PRH1: variants seen among roughly 807,000 people sequenced by gnomAD.
The protein encoded by PRH1 is salivary acidic proline-rich phosphoprotein 1/2.
PRH1 carries 7 observed loss-of-function variants against 7.9 expected under a neutral mutation model. That is an observed-to-expected ratio of 0.89 (90% CI 0.50 to 1.67). The LOEUF (loss-of-function observed/expected upper bound fraction) is 1.67, where lower values mean the gene tolerates loss of function less well. Among genes scored for constraint, PRH1 ranks in the 40% most tolerant of loss-of-function variants. The pLI, the probability that PRH1 is intolerant of heterozygous loss-of-function variation, is 0.00. For synonymous variants in PRH1, 45 were observed against 80.8 expected (o/e 0.56, Z 2.38); for missense variants, 109 against 223.6 (o/e 0.49, Z 3.27).
At chr12:10,992,892 G>A (rs2135997343) in intron 1 of PRH1, among the ~76,000 whole-genome samples, 1 of 152,322 alleles carries the variant, frequency 6.6e-6, no homozygotes, top group Non-Finnish European at 1.5e-5. Context: ...GGACATTACT[G>A]TAAGTAGGAC....
chr12:10,946,899 T>C (rs1950496001), intron 2 of PRH1, among the ~76,000 whole-genome samples: 1 of 152,170 alleles, frequency 6.6e-6, no homozygotes, highest in African/African-American at 2.4e-5. Flanking sequence ...CTAAAAGTCA[T>C]CCAGGAGCAT....
At chr12:10,901,153 CCT>C (rs1054920352) in intron 2 of PRH1, among the ~76,000 whole-genome samples, 1 of 152,168 alleles carries the variant, frequency 6.6e-6, no homozygotes, top group Admixed American at 6.5e-5. Context: ...CTGGGCTGAT[CCT>C]CTCTGTTTTA....
intron 1 of PRH1, among the ~76,000 whole-genome samples, chr12:11,070,358 T>A (rs1395622749): frequency 2.0e-5 from 3 of 151,208 alleles, no homozygotes; most frequent in African/African-American, 7.3e-5. Context: ...CATGCTCACC[T>A]CCAAAGTGTT....
chr12:11,053,332 A>C, intron 1 of PRH1, among the ~76,000 whole-genome samples: 2 of 152,316 alleles, frequency 1.3e-5, no homozygotes, highest in South Asian at 4.1e-4. Context: ...CTTCTGTTTG[A>C]TTTATTTAGC....
In PRH1 at chr12:11,061,474, G is replaced by A. The variant is rs553357638; in HGVS notation, n.124-14286C>T. On this transcript the variant is annotated intron_variant and non_coding_transcript_variant, in intron 1 of 4. Coordinates refer to the PRH1 transcript ENST00000541977. The stretch of plus-strand genomic sequence containing the variant: ...TCCCCAAATCAGGATGAATGGGTGG[G>A]TTGAAGGATAGCTGAATGCAATAGC... The A allele has an allele frequency of 6.9e-5, 111 of 1,614,132 alleles. No individual in the cohort carries two copies. The South Asian group carries it at 1.1e-3, about 17-fold the overall frequency.
intron 2 of PRH1, among the ~76,000 whole-genome samples, chr12:10,972,427 T>C (rs1192481733): frequency 6.6e-6 from 1 of 152,210 alleles, no homozygotes. Flanking sequence ...CAATGCTGTC[T>C]TTATGGAAAA....
intron 1 of PRH1, among the ~76,000 whole-genome samples, chr12:11,087,361 T>C (rs1944741354): frequency 1.7e-5 from 2 of 117,544 alleles, no homozygotes; most frequent in African/African-American, 2.9e-5. Context: ...CCCAAAGTAG[T>C]AGGACTACAG....
chr12:11,012,077 G>A (rs1015823428), intron 1 of PRH1, among the ~76,000 whole-genome samples: 1 of 151,964 alleles, frequency 6.6e-6, no homozygotes, highest in Non-Finnish European at 1.5e-5. Flanking sequence ...AAAATATTTA[G>A]CAATTTTGTA....
chr12:10,905,899 G>T (rs533835766), intron 2 of PRH1, among the ~76,000 whole-genome samples: 1 of 152,278 alleles, frequency 6.6e-6, no homozygotes, highest in South Asian at 2.1e-4. Flanking sequence ...ATTGAGAATT[G>T]TACCTCTGAC....
At chr12:10,969,305 G>T (rs1045822088) in intron 2 of PRH1, among the ~76,000 whole-genome samples, 7 of 152,102 alleles carry the variant, frequency 4.6e-5, no homozygotes, top group Non-Finnish European at 8.8e-5. Flanking sequence ...TCTCACTACC[G>T]GTGGAGCCTG....
intron 1 of PRH1, among the ~76,000 whole-genome samples, chr12:11,155,135 C>T (rs898325444): frequency 3.3e-4 from 50 of 152,226 alleles, no homozygotes; most frequent in Non-Finnish European, 3.1e-4. Context: ...CAGTAACACT[C>T]GATCTGTAAT....
At chr12:11,114,329 A>AT (rs1184886055) in intron 1 of PRH1, among the ~76,000 whole-genome samples, 1 of 134,784 alleles carries the variant, frequency 7.4e-6, no homozygotes, top group Non-Finnish European at 1.6e-5. Context: ...GCAGCCATAA[A>AT]AAAGGATGAG....
chr12:11,150,747 C>T (rs1947055632), intron 1 of PRH1, among the ~76,000 whole-genome samples: 1 of 152,114 alleles, frequency 6.6e-6, no homozygotes, highest in Non-Finnish European at 1.5e-5. Context: ...GTGCAGCACA[C>T]CAGCATGGCT....
At chr12:11,050,743 A>T (rs1018783222), upstream of PRH1, among the ~76,000 whole-genome samples, 2 of 152,292 alleles carry the variant, frequency 1.3e-5, no homozygotes, top group Admixed American at 6.5e-5. Context: ...GACTACCTGG[A>T]ACTTGGACTC....
intron 1 of PRH1, among the ~76,000 whole-genome samples, chr12:11,166,632 T>C (rs1270165825): frequency 6.6e-6 from 1 of 152,242 alleles, no homozygotes; most frequent in Non-Finnish European, 1.5e-5. Flanking sequence ...CAGGGTCCAG[T>C]GTAAATGGGC....
At chr12:11,061,275 A>T in intron 1 of PRH1, 1 of 1,513,130 alleles carries the variant, frequency 6.6e-7, no homozygotes, top group South Asian at 1.4e-5. Context: ...TCATATACAT[A>T]CATTACAGAA....
chr12:10,926,334 G>A (rs1007409445), intron 2 of PRH1, among the ~76,000 whole-genome samples: 4 of 152,136 alleles, frequency 2.6e-5, no homozygotes, highest in Non-Finnish European at 4.4e-5. Flanking sequence ...ATCTTTCCTG[G>A]CAAACCATCC....
intron 2 of PRH1, among the ~76,000 whole-genome samples, chr12:10,940,610 C>A (rs1050234153): frequency 2.0e-4 from 31 of 152,116 alleles, no homozygotes; most frequent in African/African-American, 7.2e-4. Flanking sequence ...ACTCACTCTC[C>A]CAGCAACATC....
chr12:10,959,664 T>C (rs1353648559), intron 2 of PRH1, among the ~76,000 whole-genome samples: 3 of 152,180 alleles, frequency 2.0e-5, no homozygotes, highest in Non-Finnish European at 2.9e-5. Context: ...TCTAATTATA[T>C]ATAGATCATC....
Sources: allele counts gnomAD v4.1 joint callset (sites outside exome capture counted in the v4.1 genomes callset), GRCh38; gene constraint gnomAD v4.1.1; transcripts MANE v1.5; gene names NCBI Gene and HGNC (gene_info 2026-07-23, HGNC 2026-07-21).